ME3: variants seen among roughly 807,000 people sequenced by gnomAD.
ME3 encodes the protein NADP-dependent malic enzyme, mitochondrial.
In ME3, 48 loss-of-function variants were observed where a neutral mutation model predicts 68.9. That is an observed-to-expected ratio of 0.70 (90% confidence interval 0.55 to 0.89). The LOEUF (loss-of-function observed/expected upper bound fraction) is 0.89, where lower values mean the gene tolerates loss of function less well. Ranked by LOEUF, ME3 falls within the 40% of genes least tolerant of loss-of-function variation. ME3 has a pLI of 0.00. For missense variants in ME3, 675 were observed against 797.4 expected, an observed-to-expected ratio of 0.85 and a Z score of 1.85; for synonymous variants, 320 against 318.8, an observed-to-expected ratio of 1.00 and a Z score of -0.04.
chr11:86,475,647 TC>T (rs1951017221), intron 7 of ME3, among the ~76,000 whole-genome samples: 1 of 152,050 alleles, frequency 6.6e-6, no homozygotes, highest in African/African-American at 2.4e-5. Context: ...CCACAGCTTT[TC>T]TCATTATCTG....
chr11:86,627,300 A>G (rs541874025), intron 2 of ME3, among the ~76,000 whole-genome samples: 2 of 152,328 alleles, frequency 1.3e-5, no homozygotes, highest in South Asian at 4.1e-4. Flanking sequence ...AACTTGTATA[A>G]ATCTAATAGA....
intron 2 of ME3, among the ~76,000 whole-genome samples, chr11:86,574,568 A>G (rs1957990403): frequency 1.3e-5 from 2 of 152,202 alleles, no homozygotes; most frequent in Non-Finnish European, 1.5e-5. Flanking sequence ...GAGGTTGCAG[A>G]TCAGCAAAGA....
intron 2 of ME3, among the ~76,000 whole-genome samples, chr11:86,631,907 A>G (rs1337040232): frequency 6.6e-6 from 1 of 152,022 alleles, no homozygotes; most frequent in Non-Finnish European, 1.5e-5. Context: ...TAATTTTTGT[A>G]TTTTTAGGAG....
chr11:86,667,058 A>T (rs1382701215), intron 2 of ME3, among the ~76,000 whole-genome samples: 1 of 152,252 alleles, frequency 6.6e-6, no homozygotes, highest in Non-Finnish European at 1.5e-5. Context: ...CCAACACTGC[A>T]GCACTGTCCT....
At chr11:86,669,065 A>G (rs966749891) in intron 2 of ME3, among the ~76,000 whole-genome samples, 1 of 152,340 alleles carries the variant, frequency 6.6e-6, no homozygotes, top group South Asian at 2.1e-4. Context: ...GCAAAGTACC[A>G]AGGCTCAAGC....
intron 4 of ME3, among the ~76,000 whole-genome samples, chr11:86,525,226 G>T (rs1244109026): frequency 6.6e-6 from 1 of 152,146 alleles, no homozygotes; most frequent in Admixed American, 6.5e-5. Context: ...TTCCAATAGA[G>T]CAGTGACAAT....
At chr11:86,500,301 C>T (rs1402820049) in intron 5 of ME3, among the ~76,000 whole-genome samples, 2 of 152,224 alleles carry the variant, frequency 1.3e-5, no homozygotes, top group Non-Finnish European at 2.9e-5. Flanking sequence ...GGCTGTTATC[C>T]CCACAACCCT....
intron 2 of ME3, among the ~76,000 whole-genome samples, chr11:86,595,094 T>A (rs1215248092): frequency 6.9e-6 from 1 of 144,844 alleles, no homozygotes; most frequent in Non-Finnish European, 1.5e-5. Flanking sequence ...AATAGAGGCC[T>A]TTAGAGGATG....
intron 8 of ME3, among the ~76,000 whole-genome samples, chr11:86,451,924 A>G (rs1001013048): frequency 1.4e-4 from 21 of 152,258 alleles, no homozygotes; most frequent in African/African-American, 4.8e-4. Flanking sequence ...CTGGCTTAGT[A>G]GATCAGTAGA....
At chr11:86,554,270 A>G (rs1956826663) in intron 4 of ME3, among the ~76,000 whole-genome samples, 1 of 152,214 alleles carries the variant, frequency 6.6e-6, no homozygotes, top group Non-Finnish European at 1.5e-5. Flanking sequence ...AATAGGGGCC[A>G]GAGTGGGGTA....
At chr11:86,600,471 A>G (rs1960421174) in intron 2 of ME3, among the ~76,000 whole-genome samples, 1 of 151,468 alleles carries the variant, frequency 6.6e-6, no homozygotes, top group Non-Finnish European at 1.5e-5. Context: ...AGTGACCTAC[A>G]AAGAGACTTA....
chr11:86,602,289 A>C (rs1207509765), intron 2 of ME3, among the ~76,000 whole-genome samples: 1 of 147,356 alleles, frequency 6.8e-6, no homozygotes, highest in African/African-American at 2.5e-5. Context: ...CAAAAATCAC[A>C]AGCATTCTTA....
intron 4 of ME3, among the ~76,000 whole-genome samples, chr11:86,531,495 C>T (rs868350473): frequency 6.6e-6 from 1 of 152,240 alleles, no homozygotes; most frequent in African/African-American, 2.4e-5. Context: ...CATCCCATTA[C>T]TGGGTATATA....
At chr11:86,447,992 G>A (rs977789735) in intron 11 of ME3, among the ~76,000 whole-genome samples, 158 bp downstream of exon 11, 3 of 152,098 alleles carry the variant, frequency 2.0e-5, no homozygotes, top group African/African-American at 4.8e-5. Context: ...CTATACAATA[G>A]TCACTCAATA....
intron 2 of ME3, among the ~76,000 whole-genome samples, chr11:86,605,022 A>T (rs564527425): frequency 6.6e-6 from 1 of 152,224 alleles, no homozygotes; most frequent in South Asian, 2.1e-4. Context: ...CTATTCCCTA[A>T]GCTCTGAGCA....
intron 4 of ME3, among the ~76,000 whole-genome samples, chr11:86,520,169 C>T (rs955425763): frequency 1.3e-5 from 2 of 152,156 alleles, no homozygotes; most frequent in African/African-American, 2.4e-5. Flanking sequence ...CTGACCCTCC[C>T]AGATAACCAG....
At chr11:86,477,528 C>T (rs955622336) in intron 7 of ME3, among the ~76,000 whole-genome samples, 1 of 152,132 alleles carries the variant, frequency 6.6e-6, no homozygotes, top group Non-Finnish European at 1.5e-5. Context: ...TCCCCGCCAC[C>T]CATAAGACCC....
intron 2 of ME3, among the ~76,000 whole-genome samples, chr11:86,605,775 C>A (rs1035484942): frequency 7.6e-5 from 10 of 131,776 alleles, no homozygotes; most frequent in African/African-American, 2.9e-4. Flanking sequence ...GGACAACTAA[C>A]TTCCCTGAGT....
At chr11:86,497,903 TC>T in intron 6 of ME3, 59 bp downstream of exon 6, 1 of 1,519,500 alleles carries the variant, frequency 6.6e-7, no homozygotes, top group Non-Finnish European at 8.9e-7. Flanking sequence ...AACATGCTCC[TC>T]ACCCTGTCCC....
Sources: allele counts gnomAD v4.1 joint callset (sites outside exome capture counted in the v4.1 genomes callset), GRCh38; gene constraint gnomAD v4.1.1; transcripts MANE v1.5; gene names NCBI Gene and HGNC (gene_info 2026-07-23, HGNC 2026-07-21).